NDST4: variants seen among roughly 807,000 people sequenced by gnomAD.
NDST4 encodes the protein N-heparan sulfate sulfotransferase 4.
NDST4 carries 63 observed loss-of-function variants against 100.8 expected under a neutral mutation model. The ratio of observed to expected loss-of-function variants is 0.62; its 90% CI spans 0.51 to 0.77. The LOEUF (loss-of-function observed/expected upper bound fraction) is 0.77, where lower values mean the gene tolerates loss of function less well. Among genes scored for constraint, NDST4 ranks in the 30% least tolerant of loss-of-function variants. The probability of loss-of-function intolerance (pLI) is 0.00; values close to 1 mark genes in which losing one functional copy is unlikely to be tolerated. For synonymous variants in NDST4, 377 were observed against 361.8 expected (o/e 1.04, Z -0.48); for missense variants, 943 against 1,018.4 (o/e 0.93, Z 1.01).
At chr4:114,994,108 G>C (rs1032401419) in intron 2 of NDST4, among the ~76,000 whole-genome samples, 21 of 151,924 alleles carry the variant, frequency 1.4e-4, no homozygotes, top group African/African-American at 4.6e-4. Flanking sequence ...AATGAAACTT[G>C]TATTGCTGGA....
chr4:115,046,658 A>G lies in NDST4; in HGVS notation c.978+29401T>C, dbSNP rs190323717. 2.3e-3 allele frequency among the ~76,000 whole-genome samples: 355 copies of G among 152,212 alleles called. 1 individual carries two copies. The highest frequency in any genetic ancestry group is 8.2e-3 in the African/African-American group (341 of 41,558). On this transcript the variant is annotated intron_variant, in intron 2 of 13. Coordinates refer to ENST00000264363, the MANE Select transcript of NDST4 (RefSeq NM_022569.3). ...GTGTATCAGATAGATGATAAGATAG[A>G]TAAGTTTGGACAAATAGATGATACA... is the stretch of plus-strand genomic sequence containing the variant.
chr4:115,001,590 G>C (rs1456494941), intron 2 of NDST4, among the ~76,000 whole-genome samples: 1 of 151,542 alleles, frequency 6.6e-6, no homozygotes, highest in Non-Finnish European at 1.5e-5. Context: ...CCCTGTATTA[G>C]GTAATTTTTA....
intron 2 of NDST4, among the ~76,000 whole-genome samples, chr4:115,027,622 T>C (rs1728015484): frequency 6.6e-6 from 1 of 152,174 alleles, no homozygotes; most frequent in Admixed American, 6.6e-5. Context: ...TTTGTTTATT[T>C]CCTTGGAAGA....
intron 1 of NDST4, among the ~76,000 whole-genome samples, chr4:115,089,170 A>G (rs908199681): frequency 1.3e-5 from 2 of 152,028 alleles, no homozygotes; most frequent in African/African-American, 4.8e-5. Context: ...TTGTTGGGAA[A>G]GGTGGTGGAT....
At chr4:114,976,673 T>TA (rs949960498) in intron 3 of NDST4, among the ~76,000 whole-genome samples, 23 of 151,936 alleles carry the variant, frequency 1.5e-4, no homozygotes, top group African/African-American at 5.6e-4. Flanking sequence ...AAATTAGTGG[T>TA]AATATTGTTT....
intron 7 of NDST4, among the ~76,000 whole-genome samples, chr4:114,869,611 T>A (rs1484552476): frequency 3.3e-5 from 5 of 152,136 alleles, no homozygotes; most frequent in Non-Finnish European, 1.5e-5. Context: ...GATGGTCAAG[T>A]AACTTATTGG....
chr4:115,091,932 A>G (rs76161376), intron 1 of NDST4, among the ~76,000 whole-genome samples: 2,429 of 152,300 alleles, frequency 0.016, 74 homozygotes, highest in African/African-American at 0.056. Flanking sequence ...ATAAATGAGT[A>G]CTAAATAACA....
At chr4:114,995,927 T>C (rs867746894) in intron 2 of NDST4, among the ~76,000 whole-genome samples, 14 of 152,082 alleles carry the variant, frequency 9.2e-5, no homozygotes, top group Admixed American at 8.5e-4. Context: ...ATGTGCAATA[T>C]AAATGAAATG....
At chr4:114,845,506 C>A (rs537928086) in intron 10 of NDST4, among the ~76,000 whole-genome samples, 1 of 152,248 alleles carries the variant, frequency 6.6e-6, no homozygotes, top group South Asian at 2.1e-4. Flanking sequence ...CATGTATTGT[C>A]ACTCTAGAAA....
At chr4:114,946,817 T>G (rs1220244466) in intron 4 of NDST4, among the ~76,000 whole-genome samples, 1 of 152,184 alleles carries the variant, frequency 6.6e-6, no homozygotes, top group East Asian at 1.9e-4. Context: ...TTTTAGGTTT[T>G]TACATAAAAA....
intron 1 of NDST4, among the ~76,000 whole-genome samples, chr4:115,084,565 T>C (rs925198687): frequency 6.6e-6 from 1 of 151,836 alleles, no homozygotes; most frequent in African/African-American, 2.4e-5. Flanking sequence ...AGGTCCAGGG[T>C]CCCCCCTGCT....
At chr4:114,869,374 C>A (rs1724099768) in intron 7 of NDST4, among the ~76,000 whole-genome samples, 1 of 151,712 alleles carries the variant, frequency 6.6e-6, no homozygotes, top group Non-Finnish European at 1.5e-5. Flanking sequence ...TATTACTGTG[C>A]CATAAATATT....
At chr4:115,024,121 C>T (rs1361799046) in intron 2 of NDST4, among the ~76,000 whole-genome samples, 3 of 152,276 alleles carry the variant, frequency 2.0e-5, no homozygotes, top group African/African-American at 7.2e-5. Flanking sequence ...AGGCAGACCT[C>T]CTCACAGGGG....
intron 3 of NDST4, among the ~76,000 whole-genome samples, chr4:114,974,180 T>C (rs946776500): frequency 1.3e-5 from 2 of 151,838 alleles, no homozygotes; most frequent in South Asian, 4.1e-4. Context: ...AAGTAAACTG[T>C]GTTCAAATGC....
chr4:114,838,217 G>A lies in NDST4; in HGVS notation c.2286+1161C>T, dbSNP rs145590071. ...GAAATAGGAATGCTTTTACATTGTTGGTGGGAGTGTAAATTAGCTCAACCA... is the reference window on the plus strand; with the variant it reads ...GAAATAGGAATGCTTTTACATTGTTAGTGGGAGTGTAAATTAGCTCAACCA... On this transcript the variant is annotated intron_variant, in intron 11 of 13. Transcript: ENST00000264363. Among the ~76,000 whole-genome samples the A allele has an allele frequency of 4.1e-3, 630 of 152,264 alleles. 6 individuals are homozygous for A. The highest frequency in any genetic ancestry group is 0.014 in the African/African-American group (580 of 41,550).
chr4:115,053,453 TATATACTCCTGC>T (rs1015015260), intron 2 of NDST4, among the ~76,000 whole-genome samples: 31 of 152,134 alleles, frequency 2.0e-4, no homozygotes, highest in Admixed American at 4.6e-4. Flanking sequence ...TCATATAAAG[TATATACTCCTGC>T]ATATATATCC....
In NDST4 at chr4:115,086,222, T is replaced by C. The variant is rs184681708; in HGVS notation, c.-246-8940A>G. Among the ~76,000 whole-genome samples, 367 of 152,290 alleles carry C rather than the reference T, an allele frequency of 2.4e-3. 4 individuals carry two copies. Among genetic ancestry groups the C allele is most frequent in the African/African-American group, 8.7e-3 (360 of 41,574 alleles). On this transcript the variant is annotated intron_variant, in intron 1 of 13. Transcript: ENST00000264363. ...GGTTGATATCACATGGTTGGTCCCATGGAATTCCTTTCAGCTTCCAGGCCA... is the reference window on the plus strand; with the variant it reads ...GGTTGATATCACATGGTTGGTCCCACGGAATTCCTTTCAGCTTCCAGGCCA...
chr4:115,069,485 G>T (rs1206437315), intron 2 of NDST4, among the ~76,000 whole-genome samples: 1 of 152,118 alleles, frequency 6.6e-6, no homozygotes, highest in East Asian at 1.9e-4. Context: ...ATTAAAAAAT[G>T]GGCAGATGAC....
chr4:114,967,787 T>A (rs181674840), intron 4 of NDST4, among the ~76,000 whole-genome samples: 2,247 of 152,080 alleles, frequency 0.015, 62 homozygotes, highest in African/African-American at 0.051. Flanking sequence ...CATATTTTTT[T>A]TAAAAAAAAT....
Sources: gnomAD v4.1 joint callset for allele counts (sites outside exome capture counted in the v4.1 genomes callset) on GRCh38, gnomAD v4.1.1 for gene constraint, MANE v1.5 for transcripts, NCBI Gene and HGNC (gene_info 2026-07-23, HGNC 2026-07-21) for gene names.